Variants in PAN3 observed in about 807,000 individuals in gnomAD.
PAN3 encodes PAN2-PAN3 deadenylation complex subunit PAN3.
In PAN3, 19 loss-of-function variants were observed where a neutral mutation model predicts 96.2. That is an observed-to-expected ratio of 0.20 (90% confidence interval 0.14 to 0.29). The LOEUF is 0.29. Ranked by LOEUF, PAN3 falls within the 10% of genes least tolerant of loss-of-function variation. The probability of loss-of-function intolerance (pLI) is 1.00; values close to 1 mark genes in which losing one functional copy is unlikely to be tolerated. For missense variants in PAN3, 882 were observed against 1,108.1 expected (o/e 0.80, Z 2.90); for synonymous variants, 433 against 406.6 (o/e 1.06, Z -0.78).
At chr13:28,187,618 C>T (rs1369093627) in intron 4 of PAN3, among the ~76,000 whole-genome samples, 1 of 152,082 alleles carries the variant, frequency 6.6e-6, no homozygotes, top group Admixed American at 6.6e-5. Context: ...ATGTTTGTCC[C>T]CCTCAATGAC....
chr13:28,247,420 C>G (rs1884306278), intron 6 of PAN3, among the ~76,000 whole-genome samples: 1 of 152,074 alleles, frequency 6.6e-6, no homozygotes, highest in Non-Finnish European at 1.5e-5. Context: ...TTTTGCGGTG[C>G]AGATACTTTT....
intron 4 of PAN3, among the ~76,000 whole-genome samples, chr13:28,189,825 A>G (rs1014760920): frequency 2.0e-5 from 3 of 152,212 alleles, no homozygotes; most frequent in Non-Finnish European, 4.4e-5. Flanking sequence ...CTTTTATTTT[A>G]GCAAGATCCC....
chr13:28,211,441 T>C (rs1566190882), intron 5 of PAN3, among the ~76,000 whole-genome samples: 1 of 152,176 alleles, frequency 6.6e-6, no homozygotes, highest in Non-Finnish European at 1.5e-5. Context: ...AAAAGGACAG[T>C]TAGTTGAACT....
At chr13:28,154,761 G>A (rs369362760) in intron 1 of PAN3, among the ~76,000 whole-genome samples, 4 of 150,950 alleles carry the variant, frequency 2.6e-5, no homozygotes, top group African/African-American at 9.7e-5. Flanking sequence ...CTCCCAAAGT[G>A]CTAGGATTAC....
intron 2 of PAN3, among the ~76,000 whole-genome samples, chr13:28,175,019 A>G (rs753177990): frequency 2.0e-5 from 3 of 151,934 alleles, no homozygotes; most frequent in Non-Finnish European, 2.9e-5. Context: ...ACTGCATGCA[A>G]TGCTTAGGAG....
intron 18 of PAN3, among the ~76,000 whole-genome samples, chr13:28,290,142 G>C (rs1869567183): frequency 6.6e-6 from 1 of 152,134 alleles, no homozygotes; most frequent in Non-Finnish European, 1.5e-5. Flanking sequence ...TAAACAATAA[G>C]CCAAACCTAA....
In PAN3 at chr13:28,280,485, A is replaced by T. The variant is rs1566257140; in HGVS notation, c.2263A>T (p.Thr755Ser). 6.2e-7 allele frequency: 1 copy of T among 1,613,564 alleles called. No individual in the cohort carries two copies. Among genetic ancestry groups the T allele is most frequent in the South Asian group, 1.1e-5 (1 of 91,052 alleles). Residue 755 changes from threonine (T) to serine (S), a missense_variant, in exon 16 of 19, where the codon ACT (threonine) becomes TCT (serine). Transcript: ENST00000380958. ...IMPMIGARFY[T>S]QLDAAQMRND... ...GCCCATGATTGGTGCTCGATTTTATACTCAATTGGATGCTGCTCAAATGAG... is the reference window on the plus strand; with the variant it reads ...GCCCATGATTGGTGCTCGATTTTATTCTCAATTGGATGCTGCTCAAATGAG...
intron 1 of PAN3, among the ~76,000 whole-genome samples, chr13:28,168,673 C>A (rs1873891632): frequency 6.6e-6 from 1 of 151,576 alleles, no homozygotes; most frequent in African/African-American, 2.4e-5. Flanking sequence ...GAGCTGAGAT[C>A]GTGCCACTGC....
At chr13:28,263,877 A>G (rs1005346204) in intron 9 of PAN3, among the ~76,000 whole-genome samples, 2 of 152,176 alleles carry the variant, frequency 1.3e-5, no homozygotes, top group African/African-American at 2.4e-5. Context: ...TTCTCTTTCA[A>G]ATATCCATGA....
chr13:28,238,076 C>T (rs954087089), intron 6 of PAN3, among the ~76,000 whole-genome samples: 6 of 152,088 alleles, frequency 3.9e-5, no homozygotes, highest in Admixed American at 1.3e-4. Flanking sequence ...TACAAAACCC[C>T]GAGGCACTGC....
chr13:28,188,222 T>G (rs1031759055), intron 4 of PAN3, among the ~76,000 whole-genome samples: 1 of 149,570 alleles, frequency 6.7e-6, no homozygotes, highest in Non-Finnish European at 1.5e-5. Context: ...CTAGGATTTA[T>G]TATATATTTA....
chr13:28,198,299 A>C (rs943977906), intron 5 of PAN3, among the ~76,000 whole-genome samples: 1 of 152,050 alleles, frequency 6.6e-6, no homozygotes, highest in Non-Finnish European at 1.5e-5. Flanking sequence ...CAAAAAAAAA[A>C]AAAGAGTCGT....
intron 7 of PAN3, among the ~76,000 whole-genome samples, chr13:28,259,230 C>A (rs1166941314): frequency 6.6e-6 from 1 of 151,644 alleles, no homozygotes; most frequent in African/African-American, 2.4e-5. Context: ...CAGTTTCAAG[C>A]GATTCTCCTG....
At chr13:28,271,517 A>G (rs1886623472) in intron 13 of PAN3, among the ~76,000 whole-genome samples, 1 of 152,164 alleles carries the variant, frequency 6.6e-6, no homozygotes, top group East Asian at 1.9e-4. Context: ...GTGTTTTGAC[A>G]ACCTTATTAG....
At chr13:28,158,956 C>G (rs1872562250) in intron 1 of PAN3, among the ~76,000 whole-genome samples, 1 of 151,104 alleles carries the variant, frequency 6.6e-6, no homozygotes, top group African/African-American at 2.4e-5. Context: ...CCATCTCATA[C>G]CAGTCAGAAT....
chr13:28,289,937 A>T (rs921660612), intron 18 of PAN3, among the ~76,000 whole-genome samples: 21 of 152,220 alleles, frequency 1.4e-4, no homozygotes, highest in African/African-American at 4.8e-4. Flanking sequence ...AAAAGAAAGA[A>T]GACAGTTCCC....
rs138830016 is a variant in PAN3 at position 28,283,629 on chromosome 13, C to G, written c.2384+2250C>G. ...TATCATAACAGCGTGTTTTAGAAATCTTTCTATTTAGATATGTTTAGTATA... is the reference window on the plus strand; with the variant it reads ...TATCATAACAGCGTGTTTTAGAAATGTTTCTATTTAGATATGTTTAGTATA... On this transcript the variant is annotated intron_variant, in intron 17 of 18. Coordinates refer to ENST00000380958, the MANE Select transcript of PAN3 (RefSeq NM_175854.8). Among the ~76,000 whole-genome samples the G allele has an allele frequency of 4.4e-3, 668 of 152,286 alleles. 9 individuals are homozygous for G. Among genetic ancestry groups the G allele is most frequent in the African/African-American group, 0.015 (635 of 41,554 alleles).
At chr13:28,276,193 C>A (rs1887043746) in intron 14 of PAN3, among the ~76,000 whole-genome samples, 1 of 152,116 alleles carries the variant, frequency 6.6e-6, no homozygotes, top group Non-Finnish European at 1.5e-5. Context: ...ATGGCTACTG[C>A]TGATTTTGGT....
intron 14 of PAN3, among the ~76,000 whole-genome samples, chr13:28,276,640 A>T (rs1165929300): frequency 6.6e-6 from 1 of 152,206 alleles, no homozygotes; most frequent in Non-Finnish European, 1.5e-5. Context: ...GGAAACAAAG[A>T]TAGATGGGAT....
Sources: allele counts gnomAD v4.1 joint callset (sites outside exome capture counted in the v4.1 genomes callset), GRCh38; gene constraint gnomAD v4.1.1; transcripts MANE v1.5; gene names NCBI Gene and HGNC (gene_info 2026-07-23, HGNC 2026-07-21).